The following PPIP5K2 variants were observed in gnomAD, a reference collection of about 807,000 sequenced individuals.
The protein encoded by PPIP5K2 is inositol hexakisphosphate and diphosphoinositol-pentakisphosphate kinase 2.
PPIP5K2 carries 105 observed loss-of-function variants against 154.6 expected under a neutral mutation model. The observed-to-expected ratio is 0.68, with a 90% CI of 0.58 to 0.80. The LOEUF (loss-of-function observed/expected upper bound fraction) is 0.80, where lower values mean the gene tolerates loss of function less well. PPIP5K2 is among the 30% of genes least tolerant of loss of function. The pLI is 0.00. For synonymous variants in PPIP5K2, 480 were observed against 490.3 expected, an observed-to-expected ratio of 0.98 and a Z score of 0.28; for missense variants, 992 against 1,504.6, an observed-to-expected ratio of 0.66 and a Z score of 5.64.
At chr5:103,176,227 A>C (rs1481918452) in intron 21 of PPIP5K2, among the ~76,000 whole-genome samples, 19 of 152,030 alleles carry the variant, frequency 1.2e-4, no homozygotes, top group Admixed American at 1.2e-3. Flanking sequence ...TTATTAGAGA[A>C]GACCTAGCAA....
chr5:103,171,014 C>T (rs1797904446), intron 19 of PPIP5K2, among the ~76,000 whole-genome samples: 1 of 151,422 alleles, frequency 6.6e-6, no homozygotes, highest in Non-Finnish European at 1.5e-5. Flanking sequence ...CAAAATGATA[C>T]TATGCCTTAA....
intron 19 of PPIP5K2, among the ~76,000 whole-genome samples, chr5:103,171,114 G>A (rs1277272939): frequency 6.6e-6 from 1 of 151,412 alleles, no homozygotes; most frequent in Non-Finnish European, 1.5e-5. Flanking sequence ...AGGCTTAAAT[G>A]ATGCATATGG....
At chr5:103,150,667 T>C (rs904589163) in intron 8 of PPIP5K2, among the ~76,000 whole-genome samples, 6 of 151,894 alleles carry the variant, frequency 4.0e-5, no homozygotes, top group African/African-American at 1.5e-4. Flanking sequence ...GCTACTGCGG[T>C]GGCTGGGGCA....
intron 11 of PPIP5K2, among the ~76,000 whole-genome samples, chr5:103,154,270 A>G (rs1795063760): frequency 6.6e-6 from 1 of 152,014 alleles, no homozygotes; most frequent in South Asian, 2.1e-4. Flanking sequence ...TAGTAGAATG[A>G]AAGTTTCTGT....
chr5:103,132,812 A>G (rs572001196), intron 2 of PPIP5K2, among the ~76,000 whole-genome samples: 4 of 152,284 alleles, frequency 2.6e-5, no homozygotes, highest in African/African-American at 9.6e-5. Context: ...ATCAGTTTCT[A>G]TATCCTGCTT....
At position 103,186,398 on chromosome 5, in the gene PPIP5K2, G is replaced by A. The variant is rs559400858; in HGVS notation, c.3248G>A (p.Arg1083His). ...SSAPNLQDYA[R>H]THRKKLTSSG... ...GCACCTAACCTACAGGATTATGCTC[G>A]TACTCATCGTAAAAAGCTGACCTCT... is the stretch of plus-strand genomic sequence containing the variant. The change falls in exon 27 of 31, where the codon CGT (arginine) becomes CAT (histidine). Residue 1083 changes from arginine (R) to histidine (H), a missense_variant. Arg to His is a conservative substitution (Grantham distance 29, BLOSUM62 0). Around this residue, in one of 9 missense-constraint regions of PPIP5K2, gnomAD observed 204 missense variants for 224.0 expected, o/e 0.91. Coordinates refer to ENST00000358359, the MANE Select transcript of PPIP5K2 (RefSeq NM_001276277.3). 37 of 1,613,882 alleles carry A rather than the reference G, an allele frequency of 2.3e-5. No individual in the cohort carries two copies. The East Asian group carries it at 4.2e-4, about 18-fold the overall frequency.
chr5:103,134,727 AG>A (rs1456027666), intron 3 of PPIP5K2, among the ~76,000 whole-genome samples: 1 of 152,140 alleles, frequency 6.6e-6, no homozygotes, highest in East Asian at 1.9e-4. Context: ...GTAGGGAAAA[AG>A]TTTCTCTTTA....
In PPIP5K2 at chr5:103,212,448, G is replaced by T. The variant is rs1274103560; in HGVS notation, c.*10814G>T. Reference sequence around the variant, plus strand: ...TTCTGGCATATAGGGAACAGAATAAGACATGAGGGTAGGAAGAGGTTTTTA... The same window carrying T: ...TTCTGGCATATAGGGAACAGAATAATACATGAGGGTAGGAAGAGGTTTTTA... On this transcript the variant is annotated 3_prime_UTR_variant, in exon 31 of 31. Coordinates refer to ENST00000358359, the MANE Select transcript of PPIP5K2 (RefSeq NM_001276277.3). 1 of 152,106 alleles carries T rather than the reference G, an allele frequency of 6.6e-6. No individual in the cohort carries two copies. Among genetic ancestry groups the T allele is most frequent in the Non-Finnish European group, 1.5e-5 (1 of 67,980 alleles). 9.4% of individuals were successfully genotyped at this position (152,106 alleles called of 1,614,324 possible).
At chr5:103,178,897 T>G (rs1020993334) in intron 23 of PPIP5K2, among the ~76,000 whole-genome samples, 3 of 151,894 alleles carry the variant, frequency 2.0e-5, no homozygotes, top group Non-Finnish European at 2.9e-5. Flanking sequence ...AATGATTTAT[T>G]TATGATAAAT....
At chr5:103,122,796 GA>G (rs1483795564) in intron 1 of PPIP5K2, among the ~76,000 whole-genome samples, 1 of 152,202 alleles carries the variant, frequency 6.6e-6, no homozygotes, top group Non-Finnish European at 1.5e-5. Flanking sequence ...GGGAACCCAT[GA>G]AAAGGGCTAC....
intron 2 of PPIP5K2, among the ~76,000 whole-genome samples, chr5:103,133,050 C>T (rs1554203122): frequency 6.6e-6 from 1 of 152,202 alleles, no homozygotes; most frequent in East Asian, 1.9e-4. Flanking sequence ...GCTTTGTAGT[C>T]AGGACTATGT....
intron 2 of PPIP5K2, among the ~76,000 whole-genome samples, chr5:103,132,576 G>A (rs917275228): frequency 6.6e-6 from 1 of 151,984 alleles, no homozygotes; most frequent in Non-Finnish European, 1.5e-5. Context: ...TAATTCTGAT[G>A]TTATCCAATT....
intron 7 of PPIP5K2, 49 bp downstream of exon 7, chr5:103,148,081 T>C (rs782678341): frequency 3.9e-6 from 5 of 1,285,312 alleles, no homozygotes; most frequent in Non-Finnish European, 2.2e-6. Context: ...AGTTTACCAA[T>C]GATATCAGAA....
chr5:103,174,050 G>A (rs539288055), intron 21 of PPIP5K2, 78 bp downstream of exon 21: 249 of 1,113,744 alleles, frequency 2.2e-4, no homozygotes, highest in Non-Finnish European at 3.1e-4. Context: ...TTTTTACTGT[G>A]AAATTTTAGT....
intron 21 of PPIP5K2, chr5:103,176,989 A>G: frequency 4.8e-6 from 5 of 1,035,070 alleles, no homozygotes; most frequent in Non-Finnish European, 5.5e-6. Flanking sequence ...ATACTTGTTG[A>G]TAGGCCTATA....
intron 1 of PPIP5K2, among the ~76,000 whole-genome samples, chr5:103,125,661 T>C (rs1280488870): frequency 6.6e-6 from 1 of 152,128 alleles, no homozygotes; most frequent in Non-Finnish European, 1.5e-5. Flanking sequence ...TGAGACAGAG[T>C]CTCACTCTGT....
intron 24 of PPIP5K2, among the ~76,000 whole-genome samples, chr5:103,182,013 TATAAC>T (rs1328093826): frequency 1.3e-5 from 2 of 152,186 alleles, no homozygotes; most frequent in African/African-American, 2.4e-5. Flanking sequence ...TTTGTTCTGT[TATAAC>T]TTAATGGAAA....
At position 103,209,574 on chromosome 5, in the gene PPIP5K2, C is replaced by G; in HGVS notation, c.*7940C>G. ...TGTAACTTGACAAGGAAAGCAGTCTCTTTTGTCATTCTACATTTAGTGCTT... is the reference window on the plus strand; with the variant it reads ...TGTAACTTGACAAGGAAAGCAGTCTGTTTTGTCATTCTACATTTAGTGCTT... On this transcript the variant is annotated 3_prime_UTR_variant, in exon 31 of 31. Transcript: ENST00000358359. 1 of 152,010 alleles carries G rather than the reference C, an allele frequency of 6.6e-6. No homozygotes were observed. Among genetic ancestry groups the G allele is most frequent in the East Asian group, 1.9e-4 (1 of 5,188 alleles). The allele number at this position is 152,010 out of a possible 1,614,324, so 9.4% of individuals were successfully genotyped here. A position where few individuals can be genotyped will look rare whatever the true frequency, so the allele number is the denominator to read the frequency against.
At chr5:103,136,865 A>G in intron 4 of PPIP5K2, 43 bp downstream of exon 4, 1 of 1,394,772 alleles carries the variant, frequency 7.2e-7, no homozygotes, top group Non-Finnish European at 1.0e-6. Flanking sequence ...GAAAAATAAC[A>G]TTAATTTAGT....
Sources: allele counts gnomAD v4.1 joint callset (sites outside exome capture counted in the v4.1 genomes callset), GRCh38; gene constraint gnomAD v4.1.1; regional missense constraint gnomAD v4.1.1; transcripts MANE v1.5; gene names NCBI Gene and HGNC (gene_info 2026-07-23, HGNC 2026-07-21).